PDE4B: variants seen among roughly 807,000 people sequenced by gnomAD.
PDE4B encodes the protein 3',5'-cyclic-AMP phosphodiesterase 4B.
PDE4B carries 20 observed loss-of-function variants against 82.2 expected under a neutral mutation model. That is an observed-to-expected ratio of 0.24 (90% CI 0.17 to 0.35). The LOEUF is 0.35. PDE4B is among the 10% of genes least tolerant of loss of function. PDE4B has a pLI of 1.00. For synonymous variants in PDE4B, 320 were observed against 318.9 expected, an observed-to-expected ratio of 1.00 and a Z score of -0.04; for missense variants, 655 against 907.2, an observed-to-expected ratio of 0.72 and a Z score of 3.57.
chr1:65,987,086 G>A (rs1397668916), intron 3 of PDE4B, among the ~76,000 whole-genome samples: 1 of 152,196 alleles, frequency 6.6e-6, no homozygotes, highest in Non-Finnish European at 1.5e-5. Context: ...GAAACCTCAT[G>A]TAGGGACCTC....
rs1648706177 is a variant in PDE4B at position 65,946,237 on chromosome 1, C to T, written c.281+27402C>T. Among the ~76,000 whole-genome samples the T allele has an allele frequency of 3.3e-5, 5 of 152,078 alleles. 1 individual carries two copies. The South Asian group carries it at 1.0e-3, about 32-fold the overall frequency. The stretch of plus-strand genomic sequence containing the variant: ...TCTTTCTTATACCTTCTTACACCTG[C>T]TCAAGTTTGACCCTGGGCACATCCT... On this transcript the variant is annotated intron_variant, in intron 3 of 16. Transcript: ENST00000341517.
intron 3 of PDE4B, among the ~76,000 whole-genome samples, chr1:66,014,607 T>C (rs1652670340): frequency 6.6e-6 from 1 of 152,164 alleles, no homozygotes; most frequent in Non-Finnish European, 1.5e-5. Flanking sequence ...TCAGACCACA[T>C]AGCTATAAAC....
At position 66,346,444 on chromosome 1, in the gene PDE4B, CTT is replaced by C. The variant is rs551713050; in HGVS notation, c.748-9077_748-9076del. Among the ~76,000 whole-genome samples, 547 of 152,254 alleles carry C rather than the reference CTT, an allele frequency of 3.6e-3. 4 individuals carry two copies. Among genetic ancestry groups the C allele is most frequent in the African/African-American group, 0.013 (520 of 41,564 alleles). On this transcript the variant is annotated intron_variant, in intron 8 of 16. Coordinates refer to ENST00000341517, the MANE Select transcript of PDE4B (RefSeq NM_002600.4). ...ACAGCTGGATTTCTCCAAATAGACT[CTT>C]TTTTTACGGTTTAACTTAAGCATAA...
intron 3 of PDE4B, among the ~76,000 whole-genome samples, chr1:65,988,012 G>T (rs1472935065): frequency 6.6e-6 from 1 of 152,182 alleles, no homozygotes; most frequent in Admixed American, 6.5e-5. Flanking sequence ...CTGTGCCATA[G>T]TCTATCCCAA....
At chr1:66,331,763 G>A in intron 7 of PDE4B, 1 of 985,392 alleles carries the variant, frequency 1.0e-6, no homozygotes. Flanking sequence ...AGTATAACAA[G>A]AGCTGCAGGA....
chr1:65,887,896 AT>A, intron 1 of PDE4B, among the ~76,000 whole-genome samples: 1 of 152,146 alleles, frequency 6.6e-6, no homozygotes, highest in Non-Finnish European at 1.5e-5. Flanking sequence ...CAGTCAACAG[AT>A]TGTCTGTTCA....
intron 3 of PDE4B, among the ~76,000 whole-genome samples, chr1:66,172,310 C>T (rs1373692486): frequency 1.3e-5 from 2 of 152,194 alleles, no homozygotes; most frequent in African/African-American, 4.8e-5. Flanking sequence ...CATAGTATTC[C>T]GTGGTGTATA....
chr1:66,241,339 A>G (rs1652873730), intron 3 of PDE4B, among the ~76,000 whole-genome samples: 1 of 152,194 alleles, frequency 6.6e-6, no homozygotes, highest in Non-Finnish European at 1.5e-5. Flanking sequence ...AAGATGGGTC[A>G]TTGTCATTGT....
intron 3 of PDE4B, among the ~76,000 whole-genome samples, chr1:66,092,853 G>A (rs1000625011): frequency 2.6e-5 from 4 of 152,018 alleles, no homozygotes; most frequent in African/African-American, 9.7e-5. Flanking sequence ...GAGACCTGGA[G>A]TTCTCATTTC....
intron 1 of PDE4B, among the ~76,000 whole-genome samples, chr1:65,876,759 G>C (rs1646648881): frequency 6.6e-6 from 1 of 152,062 alleles, no homozygotes; most frequent in African/African-American, 2.4e-5. Flanking sequence ...TAGCCTGAAA[G>C]TGTGTTTCTG....
intron 3 of PDE4B, among the ~76,000 whole-genome samples, chr1:65,957,596 T>A (rs1649326301): frequency 6.6e-6 from 1 of 152,152 alleles, no homozygotes; most frequent in Admixed American, 6.6e-5. Context: ...TAACTTTCAT[T>A]GTAATTGTAT....
At position 66,117,914 on chromosome 1, in the gene PDE4B, T is replaced by C. The variant is rs1274257715; in HGVS notation, c.282-129546T>C. ...GACTTCCACAATGGTTGAACTAGTT[T>C]ACAGTCCCACCAACAGTGTAAAAGT... is the stretch of plus-strand genomic sequence containing the variant. On this transcript the variant is annotated intron_variant, in intron 3 of 16. Coordinates refer to ENST00000341517, the MANE Select transcript of PDE4B (RefSeq NM_002600.4). 4.6e-5 allele frequency among the ~76,000 whole-genome samples: 7 copies of C among 152,350 alleles called. No individual in the cohort carries two copies. In the East Asian group the frequency reaches 1.3e-3, roughly 29 times the overall value.
At chr1:65,863,937 G>T (rs918067853) in intron 1 of PDE4B, among the ~76,000 whole-genome samples, 7 of 151,918 alleles carry the variant, frequency 4.6e-5, no homozygotes, top group Non-Finnish European at 1.0e-4. Context: ...CACACTGATG[G>T]GTCTTTATCC....
At chr1:66,132,676 G>A (rs541451539) in intron 3 of PDE4B, among the ~76,000 whole-genome samples, 2 of 152,198 alleles carry the variant, frequency 1.3e-5, no homozygotes, top group African/African-American at 2.4e-5. Flanking sequence ...TATTTCTTTC[G>A]TATTATTTCT....
rs530137849 is a variant in PDE4B, at chr1:65,829,268, A to T, written c.-71+36020A>T. Among the ~76,000 whole-genome samples, 238 of 152,306 alleles carry T rather than the reference A, an allele frequency of 1.6e-3. 2 individuals are homozygous for T. Among genetic ancestry groups the T allele is most frequent in the Admixed American group, 8.6e-3 (132 of 15,298 alleles). On this transcript the variant is annotated intron_variant, in intron 1 of 16. Coordinates refer to ENST00000341517, the MANE Select transcript of PDE4B (RefSeq NM_002600.4). ...GGAGCAAATTATCCAAGAAGATATA[A>T]TCCTGAATGTGTATGCTTGTGATGT...
At chr1:66,115,543 T>C (rs550976116) in intron 3 of PDE4B, among the ~76,000 whole-genome samples, 13 of 152,338 alleles carry the variant, frequency 8.5e-5, no homozygotes, top group African/African-American at 3.1e-4. Flanking sequence ...TAAAAGTTAA[T>C]CAGACCCTAG....
At chr1:65,818,705 A>AT (rs1166597055) in intron 1 of PDE4B, among the ~76,000 whole-genome samples, 2 of 93,652 alleles carry the variant, frequency 2.1e-5, no homozygotes, top group African/African-American at 7.5e-5. Context: ...TATATATATA[A>AT]AATAACAAAA....
intron 1 of PDE4B, among the ~76,000 whole-genome samples, chr1:65,808,835 G>T (rs533405967): frequency 6.6e-6 from 1 of 152,274 alleles, no homozygotes; most frequent in African/African-American, 2.4e-5. Context: ...TGTGTTTAGA[G>T]GGACATATAA....
At chr1:66,309,289 G>A (rs1485560628) in intron 7 of PDE4B, among the ~76,000 whole-genome samples, 1 of 152,182 alleles carries the variant, frequency 6.6e-6, no homozygotes, top group East Asian at 1.9e-4. Flanking sequence ...ATGTTCCAGA[G>A]CAGTTGGAAA....
Sources: gnomAD v4.1 joint callset for allele counts (sites outside exome capture counted in the v4.1 genomes callset) on GRCh38, gnomAD v4.1.1 for gene constraint, MANE v1.5 for transcripts, NCBI Gene and HGNC (gene_info 2026-07-23, HGNC 2026-07-21) for gene names.